Variants in NPC1 observed in about 807,000 individuals in gnomAD.
NPC1 encodes Niemann-Pick C1 protein.
A neutral mutation model predicts 140.4 loss-of-function variants in NPC1; 85 were observed. The ratio of observed to expected loss-of-function variants is 0.61; its 90% CI spans 0.51 to 0.72. The LOEUF (loss-of-function observed/expected upper bound fraction) is 0.72. Among genes scored for constraint, NPC1 ranks in the 30% least tolerant of loss-of-function variants. The probability of loss-of-function intolerance (pLI) is 0.00; values close to 1 mark genes in which losing one functional copy is unlikely to be tolerated. For synonymous variants in NPC1, 656 were observed against 624.8 expected, an observed-to-expected ratio of 1.05 and a Z score of -0.74; for missense variants, 1,504 against 1,623.8, an observed-to-expected ratio of 0.93 and a Z score of 1.27.
intron 1 of NPC1, among the ~76,000 whole-genome samples, chr18:23,584,047 T>C (rs146236305): frequency 7.2e-4 from 110 of 152,326 alleles, no homozygotes; most frequent in African/African-American, 2.5e-3. Flanking sequence ...CTTACCAAAA[T>C]TACAGCCGGG....
downstream of NPC1, chr18:23,530,046 G>C: frequency 2.5e-6 from 4 of 1,614,052 alleles, no homozygotes; most frequent in East Asian, 2.2e-5. Flanking sequence ...ACATGAACTT[G>C]TTATCAAAAC....
At chr18:23,533,712 T>C in intron 23 of NPC1, 195 bp from the exon 24 acceptor site, 1 of 588,870 alleles carries the variant, frequency 1.7e-6, no homozygotes, top group Non-Finnish European at 3.0e-6. Context: ...TTTCACCATG[T>C]TGGCCATGGT....
Position 23,568,829 on chromosome 18 carries a change from C to A in NPC1, c.457G>T (p.Ala153Ser). Residue 153 changes from alanine to serine, a missense_variant, in exon 4 of 25, where the codon GCC becomes TCC. Transcript: ENST00000269228. Reference protein sequence around the residue: ...ELQYYVGQSFANAMYNACRDV... With the variant: ...ELQYYVGQSFSNAMYNACRDV... ...TAATTAAAAGTTTACTTACCATTGG[C>A]AAAACTCTGTCCGACGTAGTATTGT... 6.2e-7 allele frequency: 1 copy of A among 1,613,768 alleles called. No homozygotes were observed. Among genetic ancestry groups the A allele is most frequent in the Non-Finnish European group, 8.5e-7 (1 of 1,179,720 alleles).
At chr18:23,517,440 G>T (rs992091495), downstream of NPC1, among the ~76,000 whole-genome samples, 1 of 152,070 alleles carries the variant, frequency 6.6e-6, no homozygotes, top group Admixed American at 6.5e-5. Context: ...GAGCCACCAC[G>T]CCTGGCAGTA....
chr18:23,548,172 CA>C (rs2058815383), intron 10 of NPC1, 64 bp from the exon 11 acceptor site: 3 of 931,908 alleles, frequency 3.2e-6, no homozygotes, highest in African/African-American at 3.2e-5. Context: ...AGACACATAC[CA>C]GGGGAAAAAT....
chr18:23,558,059 T>C (rs934252076), intron 6 of NPC1, among the ~76,000 whole-genome samples: 1 of 152,110 alleles, frequency 6.6e-6, no homozygotes, highest in Admixed American at 6.5e-5. Context: ...GGAGAAGGGA[T>C]AGCTTTCTGT....
In NPC1 at chr18:23,576,780, G is replaced by A. The variant is rs1194795467; in HGVS notation, c.58-3206C>T. The A allele has an allele frequency of 1.8e-5, 3 of 167,908 alleles. No individual in the cohort carries two copies. In the East Asian group the frequency reaches 5.4e-4, roughly 30 times the overall value. The allele number at this position is 167,908 out of a possible 1,614,324, so 10.4% of individuals were successfully genotyped here. On this transcript the variant is annotated intron_variant, in intron 1 of 24. Transcript: ENST00000269228. ...CGTCTGGAGTTGTTCGTTCCTCCCA[G>A]TGGGCTCGTGGTCTCGCTGGGCTCA...
At chr18:23,529,996 A>G, downstream of NPC1, 2 of 1,559,248 alleles carry the variant, frequency 1.3e-6, no homozygotes, top group Non-Finnish European at 1.8e-6. Flanking sequence ...ATGATTTGGA[A>G]GTGTTCTTTC....
intron 3 of NPC1, among the ~76,000 whole-genome samples, chr18:23,514,298 T>A (rs544557895): frequency 1.3e-5 from 2 of 152,242 alleles, no homozygotes; most frequent in Admixed American, 6.5e-5. Flanking sequence ...GGCGATCATC[T>A]GAGGTCAGGA....
intron 10 of NPC1, 60 bp downstream of exon 10, chr18:23,551,567 C>G: frequency 8.0e-7 from 1 of 1,248,364 alleles, no homozygotes; most frequent in Non-Finnish European, 1.2e-6. Flanking sequence ...CCACTTGATG[C>G]TAATGACAAA....
At chr18:23,539,749 CT>C in intron 18 of NPC1, 61 bp downstream of exon 18, 1 of 1,549,458 alleles carries the variant, frequency 6.5e-7, no homozygotes, top group Non-Finnish European at 8.9e-7. Context: ...CAGGCCTGAG[CT>C]GACTGCCTGG....
Position 23,510,322 on chromosome 18 carries a change from C to CA in NPC1, c.432-3681dup, listed in dbSNP as rs1041112782. Among the ~76,000 whole-genome samples, 525 of 133,790 alleles carry CA rather than the reference C, an allele frequency of 3.9e-3. 10 individuals carry two copies. In the East Asian group the frequency reaches 0.048, roughly 12 times the overall value. The allele number at this position is 133,790 out of a possible 152,430, so 87.8% of individuals were successfully genotyped here. On this transcript the variant is annotated intron_variant, in intron 3 of 3. Transcript: ENST00000591107. Reference sequence around the variant, plus strand: ...CCTGGATGACAGTGAGACCCCATCTCAAAAAAAAAAACAAAAACACAACAA... The same window carrying CA: ...CCTGGATGACAGTGAGACCCCATCTCAAAAAAAAAAAACAAAAACACAACAA...
chr18:23,537,858 T>C (rs1456205842), intron 20 of NPC1, among the ~76,000 whole-genome samples: 2 of 152,168 alleles, frequency 1.3e-5, no homozygotes, highest in Non-Finnish European at 2.9e-5. Flanking sequence ...AGCACATGCA[T>C]GATATAAATG....
intron 1 of NPC1, among the ~76,000 whole-genome samples, chr18:23,575,010 A>G (rs1011094407): frequency 2.6e-5 from 4 of 152,264 alleles, no homozygotes; most frequent in African/African-American, 9.6e-5. Context: ...ACAGAGGCAG[A>G]GGAAACTGCT....
chr18:23,575,342 AG>A (rs111547857), intron 1 of NPC1, among the ~76,000 whole-genome samples: 6 of 152,258 alleles, frequency 3.9e-5, no homozygotes, highest in African/African-American at 1.4e-4. Context: ...TTGGTGGAAG[AG>A]GGGTGGGTGA....
At chr18:23,520,403 G>A, downstream of NPC1, 1 of 1,046,098 alleles carries the variant, frequency 9.6e-7, no homozygotes, top group South Asian at 1.4e-5. Flanking sequence ...GTTAAAAGTG[G>A]AGTGAGGAAT....
chr18:23,509,097 A>G (rs755599720), intron 3 of NPC1: 35 of 420,104 alleles, frequency 8.3e-5, no homozygotes, highest in Non-Finnish European at 1.3e-4. Context: ...AACGTTCATT[A>G]AAGAATGACA....
In NPC1 at chr18:23,561,422, A is replaced by G. The variant is rs1555638862; in HGVS notation, c.569T>C (p.Ile190Thr). The G allele has an allele frequency of 6.2e-7, 1 of 1,614,186 alleles. No individual in the cohort carries two copies. Among genetic ancestry groups the G allele is most frequent in the South Asian group, 1.1e-5 (1 of 91,078 alleles). The change falls in exon 5 of 25, where the codon ATT (isoleucine) becomes ACT (threonine). Residue 190 changes from isoleucine to threonine, a missense_variant. Ile to Thr is a moderately conservative substitution (Grantham distance 89, BLOSUM62 -1). Coordinates refer to ENST00000269228, the MANE Select transcript of NPC1 (RefSeq NM_000271.5). ...DADACNATNW[I>T]EYMFNKDNGQ... ...ATTGTCCTTATTGAACATGTATTCAATCCAGTTGGTGGCATTACAGGCGTC... is the reference window on the plus strand; with the variant it reads ...ATTGTCCTTATTGAACATGTATTCAGTCCAGTTGGTGGCATTACAGGCGTC...
chr18:23,523,725 G>GA (rs1007414475), intron 1 of NPC1, among the ~76,000 whole-genome samples: 25 of 150,484 alleles, frequency 1.7e-4, no homozygotes, highest in African/African-American at 4.6e-4. Context: ...CTCTCTTAAA[G>GA]AAAAAAAAAG....
Sources: gnomAD v4.1 joint callset for allele counts (sites outside exome capture counted in the v4.1 genomes callset) on GRCh38, gnomAD v4.1.1 for gene constraint, MANE v1.5 for transcripts, NCBI Gene and HGNC (gene_info 2026-07-23, HGNC 2026-07-21) for gene names.